The following ZNF385D variants were observed in gnomAD, a reference collection of about 807,000 sequenced individuals.
The protein encoded by ZNF385D is zinc finger protein 659.
Under a neutral mutation model 35.8 loss-of-function variants are expected in ZNF385D, and 15 were observed. That is an observed-to-expected ratio of 0.42 (90% CI 0.28 to 0.64). The LOEUF (loss-of-function observed/expected upper bound fraction) is 0.64, where lower values mean the gene tolerates loss of function less well. Ranked by LOEUF, ZNF385D falls within the 30% of genes least tolerant of loss-of-function variation. ZNF385D has a pLI of 0.23. For missense variants in ZNF385D, 474 were observed against 494.6 expected (o/e 0.96, Z 0.39); for synonymous variants, 212 against 186.8 (o/e 1.13, Z -1.10).
chr3:22,261,992 A>T (rs1700657625), intron 2 of ZNF385D, among the ~76,000 whole-genome samples: 1 of 152,036 alleles, frequency 6.6e-6, no homozygotes, highest in Admixed American at 6.6e-5. Flanking sequence ...AGGAAGCCTG[A>T]CTGGTAGAAA....
chr3:21,504,777 C>T (rs1352965520), intron 4 of ZNF385D, among the ~76,000 whole-genome samples: 5 of 151,976 alleles, frequency 3.3e-5, no homozygotes, highest in African/African-American at 7.3e-5. Context: ...TGCAGGAAAG[C>T]CGTGGAAGAG....
At chr3:22,287,884 G>C (rs1019245883) in intron 2 of ZNF385D, among the ~76,000 whole-genome samples, 1 of 151,730 alleles carries the variant, frequency 6.6e-6, no homozygotes, top group Non-Finnish European at 1.5e-5. Flanking sequence ...TTACTAATTT[G>C]CATCCTTTTC....
chr3:21,955,673 T>A (rs1407606512), intron 3 of ZNF385D, among the ~76,000 whole-genome samples: 1 of 152,160 alleles, frequency 6.6e-6, no homozygotes, highest in Non-Finnish European at 1.5e-5. Context: ...AGATTCAGCC[T>A]GACCATTTAA....
At chr3:22,315,147 A>G (rs1703815732) in intron 2 of ZNF385D, among the ~76,000 whole-genome samples, 2 of 152,326 alleles carry the variant, frequency 1.3e-5, no homozygotes, top group South Asian at 2.1e-4. Flanking sequence ...GGAAAGGAGA[A>G]AAAATGAAGC....
intron 3 of ZNF385D, among the ~76,000 whole-genome samples, chr3:22,154,487 C>T (rs1380574242): frequency 6.6e-6 from 1 of 152,168 alleles, no homozygotes; most frequent in East Asian, 1.9e-4. Context: ...TGCCAGAAGG[C>T]AACTGAGGAA....
intron 2 of ZNF385D, among the ~76,000 whole-genome samples, chr3:22,175,381 T>C (rs933663800): frequency 6.6e-6 from 1 of 152,004 alleles, no homozygotes; most frequent in South Asian, 2.1e-4. Context: ...TTACTTGGAA[T>C]ATAATTTCCA....
At chr3:22,342,097 A>G (rs1182268014) in intron 2 of ZNF385D, among the ~76,000 whole-genome samples, 1 of 151,956 alleles carries the variant, frequency 6.6e-6, no homozygotes, top group African/African-American at 2.4e-5. Context: ...AACACGGTGA[A>G]ACCCCGTCTC....
chr3:22,218,334 C>A (rs1288572986), intron 2 of ZNF385D, among the ~76,000 whole-genome samples: 1 of 151,810 alleles, frequency 6.6e-6, no homozygotes, highest in Admixed American at 6.6e-5. Flanking sequence ...TAAACTATAT[C>A]TTTTAAAAAA....
intron 3 of ZNF385D, among the ~76,000 whole-genome samples, chr3:22,049,627 T>G (rs922194986): frequency 6.6e-6 from 1 of 152,178 alleles, no homozygotes; most frequent in Admixed American, 6.5e-5. Context: ...AAAATTTAGT[T>G]TGATGTTATT....
intron 3 of ZNF385D, among the ~76,000 whole-genome samples, chr3:22,073,353 T>C (rs1576269051): frequency 6.7e-6 from 1 of 149,946 alleles, no homozygotes; most frequent in African/African-American, 2.4e-5. Context: ...AGGAAATTCG[T>C]GTAATTTCCT....
intron 3 of ZNF385D, among the ~76,000 whole-genome samples, chr3:21,784,368 T>C (rs1322769479): frequency 3.3e-5 from 5 of 152,196 alleles, no homozygotes; most frequent in Non-Finnish European, 7.3e-5. Flanking sequence ...ACCATCTTTT[T>C]TTTGGCACCA....
intron 3 of ZNF385D, among the ~76,000 whole-genome samples, chr3:21,537,795 G>T (rs1214605879): frequency 6.6e-6 from 1 of 152,018 alleles, no homozygotes; most frequent in Non-Finnish European, 1.5e-5. Flanking sequence ...GAAATCTAAG[G>T]ATTTTGCCTT....
chr3:21,478,300 C>G (rs1209688301), intron 4 of ZNF385D, among the ~76,000 whole-genome samples: 2 of 152,066 alleles, frequency 1.3e-5, no homozygotes, highest in African/African-American at 2.4e-5. Context: ...TGCACTTTCT[C>G]TGCAGTGTTC....
intron 3 of ZNF385D, among the ~76,000 whole-genome samples, chr3:21,955,415 A>G (rs564067979): frequency 2.6e-5 from 4 of 152,234 alleles, no homozygotes; most frequent in African/African-American, 9.6e-5. Flanking sequence ...CTTGTCTCCA[A>G]TGTTCTTCCA....
At chr3:21,712,136 C>T (rs1464358777) in intron 1 of ZNF385D, among the ~76,000 whole-genome samples, 1 of 152,176 alleles carries the variant, frequency 6.6e-6, no homozygotes, top group Non-Finnish European at 1.5e-5. Flanking sequence ...AATGATTCCC[C>T]AAACTTGCTC....
intron 3 of ZNF385D, among the ~76,000 whole-genome samples, chr3:22,087,237 T>TC (rs397728404): frequency 1.3e-5 from 2 of 152,166 alleles, no homozygotes; most frequent in South Asian, 2.1e-4. Context: ...TCTTTTTTTT[T>TC]CACTGTGGCC....
chr3:21,525,963 A>G (rs1708199622), intron 3 of ZNF385D, among the ~76,000 whole-genome samples: 1 of 152,076 alleles, frequency 6.6e-6, no homozygotes, highest in South Asian at 2.1e-4. Context: ...TATATTAACA[A>G]TTTACTTTTT....
intron 2 of ZNF385D, among the ~76,000 whole-genome samples, chr3:22,229,389 G>A (rs1040229041): frequency 1.3e-5 from 2 of 152,196 alleles, no homozygotes; most frequent in South Asian, 2.1e-4. Context: ...CGCCTCCCAG[G>A]TGCCACAGGG....
At chr3:21,819,603 A>G (rs2073303136) in intron 3 of ZNF385D, among the ~76,000 whole-genome samples, 1 of 146,786 alleles carries the variant, frequency 6.8e-6, no homozygotes, top group Non-Finnish European at 1.5e-5. Context: ...ATATGTGTGT[A>G]TATATGTTAT....
Sources: allele counts gnomAD v4.1 joint callset (sites outside exome capture counted in the v4.1 genomes callset), GRCh38; gene constraint gnomAD v4.1.1; transcripts MANE v1.5; gene names NCBI Gene and HGNC (gene_info 2026-07-23, HGNC 2026-07-21).